PLCL1: variants seen among roughly 807,000 people sequenced by gnomAD.
PLCL1 encodes phospholipase C like 1 (inactive).
In PLCL1, 41 loss-of-function variants were observed where a neutral mutation model predicts 84.4. The observed-to-expected ratio is 0.49, with a 90% confidence interval of 0.38 to 0.63. The LOEUF (loss-of-function observed/expected upper bound fraction) is 0.63, where lower values mean the gene tolerates loss of function less well. Among genes scored for constraint, PLCL1 ranks in the 30% least tolerant of loss-of-function variants. PLCL1 has a pLI of 0.00. For missense variants in PLCL1, 1,206 were observed against 1,367.8 expected (o/e 0.88, Z 1.87); for synonymous variants, 490 against 488.3 (o/e 1.00, Z -0.05).
At chr2:197,844,429 T>A (rs1472942264) in intron 1 of PLCL1, among the ~76,000 whole-genome samples, 1 of 152,168 alleles carries the variant, frequency 6.6e-6, no homozygotes, top group African/African-American at 2.4e-5. Context: ...TTTACCTGTA[T>A]TTTTGTGTGA....
chr2:198,057,913 G>A (rs1007970852), intron 1 of PLCL1, among the ~76,000 whole-genome samples: 1 of 152,146 alleles, frequency 6.6e-6, no homozygotes, highest in Non-Finnish European at 1.5e-5. Flanking sequence ...TTCCAAAATC[G>A]TGTTCTGAAA....
intron 1 of PLCL1, among the ~76,000 whole-genome samples, chr2:197,909,889 G>C (rs1489494380): frequency 1.3e-5 from 2 of 152,090 alleles, no homozygotes; most frequent in Non-Finnish European, 2.9e-5. Flanking sequence ...AGGGAAATGG[G>C]AAGTGAGCTC....
At chr2:198,103,116 T>G (rs968885106) in intron 4 of PLCL1, among the ~76,000 whole-genome samples, 2 of 152,050 alleles carry the variant, frequency 1.3e-5, no homozygotes, top group African/African-American at 4.8e-5. Flanking sequence ...GGACCTACTA[T>G]TAAGCGACAG....
At chr2:197,934,853 T>A (rs1689018129) in intron 1 of PLCL1, among the ~76,000 whole-genome samples, 1 of 152,192 alleles carries the variant, frequency 6.6e-6, no homozygotes, top group Non-Finnish European at 1.5e-5. Context: ...ACAGACAACC[T>A]ATAGAATAGG....
chr2:198,028,256 A>G (rs1220616433), intron 1 of PLCL1, among the ~76,000 whole-genome samples: 13 of 152,234 alleles, frequency 8.5e-5, no homozygotes, highest in Admixed American at 8.5e-4. Context: ...AAAAATGCAC[A>G]TATTACATCA....
At chr2:197,884,129 A>G (rs1354935587) in intron 1 of PLCL1, among the ~76,000 whole-genome samples, 1 of 152,200 alleles carries the variant, frequency 6.6e-6, no homozygotes, top group African/African-American at 2.4e-5. Flanking sequence ...ATAACTGTAA[A>G]CACACAGTAA....
chr2:198,055,375 G>A (rs1167291155), intron 1 of PLCL1, among the ~76,000 whole-genome samples: 1 of 150,022 alleles, frequency 6.7e-6, no homozygotes, highest in African/African-American at 2.4e-5. Flanking sequence ...AAGAGAGAGA[G>A]AGAGAGAGAG....
intron 1 of PLCL1, among the ~76,000 whole-genome samples, chr2:197,947,505 T>C (rs1689305242): frequency 6.6e-6 from 1 of 152,016 alleles, no homozygotes; most frequent in Non-Finnish European, 1.5e-5. Context: ...AAAGAGGTGA[T>C]ATTTGGTTAG....
chr2:197,935,759 G>A (rs1298535705), intron 1 of PLCL1, among the ~76,000 whole-genome samples: 1 of 152,044 alleles, frequency 6.6e-6, no homozygotes, highest in Non-Finnish European at 1.5e-5. Context: ...CCCCTTGAAC[G>A]TAAAAGTTAA....
chr2:197,981,802 G>A lies in PLCL1; in HGVS notation c.241-101956G>A, dbSNP rs575728724. Among the ~76,000 whole-genome samples the A allele has an allele frequency of 9.2e-5, 14 of 152,282 alleles. No homozygotes were observed. In the South Asian group the frequency reaches 2.9e-3, roughly 32 times the overall value. On this transcript the variant is annotated intron_variant, in intron 1 of 5. Transcript: ENST00000428675. ...TGATAAAAGTTAGGGCCATACTGCA[G>A]GAAAGAAGCTTAGAAGGATCTTCTC...
chr2:198,031,182 G>A (rs901975776), intron 1 of PLCL1, among the ~76,000 whole-genome samples: 1 of 142,268 alleles, frequency 7.0e-6, no homozygotes, highest in African/African-American at 2.6e-5. Flanking sequence ...ACCAGTCTGG[G>A]CAACATAGTG....
Position 198,085,927 on chromosome 2 carries a change from A to C in PLCL1, c.2410A>C (p.Ile804Leu). 6.2e-7 allele frequency: 1 copy of C among 1,614,092 alleles called. No individual in the cohort carries two copies. The highest frequency in any genetic ancestry group is 8.5e-7 in the Non-Finnish European group (1 of 1,179,972). The change falls in exon 2 of 6, where the codon ATT becomes CTT. Residue 804 changes from isoleucine (I) to leucine (L), a missense_variant. By Grantham distance (5) the Ile-to-Leu change is conservative. Transcript: ENST00000428675. This position sits in a 1 kb window ranked among gnomAD's most constrained non-coding sequence, Gnocchi z 5.3. ...TTTTGTTGTTCTGGATGATGACTAC[A>C]TTGGGGATGAGTTTATAGGGCAATA... Reference protein sequence around the residue: ...IRFVVLDDDYIGDEFIGQYTI... With the variant: ...IRFVVLDDDYLGDEFIGQYTI...
chr2:197,953,402 C>A (rs780069825), intron 1 of PLCL1, among the ~76,000 whole-genome samples: 4 of 152,012 alleles, frequency 2.6e-5, no homozygotes, highest in Non-Finnish European at 4.4e-5. Flanking sequence ...CCTCTGGAAG[C>A]CCCCCATGGA....
Position 198,132,942 on chromosome 2 carries a change from T to C in PLCL1, c.3106-13838T>C, listed in dbSNP as rs1444532436. 4.6e-5 allele frequency among the ~76,000 whole-genome samples: 7 copies of C among 151,866 alleles called. No individual in the cohort carries two copies. The East Asian group carries it at 1.4e-3, about 29-fold the overall frequency. On this transcript the variant is annotated intron_variant, in intron 5 of 5. Transcript: ENST00000428675. ...GAATGGTAATGCCTAGGTTTTCTTC[T>C]AGGGTTTTTATGGTTTTAGGTCTAA...
intron 1 of PLCL1, among the ~76,000 whole-genome samples, chr2:197,984,157 A>C (rs1245610752): frequency 6.6e-6 from 1 of 152,176 alleles, no homozygotes; most frequent in East Asian, 1.9e-4. Context: ...GTACTTTCCA[A>C]TTTCTTGAAA....
Position 197,903,468 on chromosome 2 carries a change from A to ATTTTTTTTTTTTTTTTTTTTT in PLCL1, c.240+98142_240+98162dup, listed in dbSNP as rs3056105. 2.1e-4 allele frequency among the ~76,000 whole-genome samples: 10 copies of ATTTTTTTTTTTTTTTTTTTTT among 47,794 alleles called. 1 individual carries two copies. The highest frequency in any genetic ancestry group is 2.8e-4 in the Non-Finnish European group (8 of 28,736). The allele number at this position is 47,794 out of a possible 152,430, so 31.4% of individuals were successfully genotyped here. ...GTATCTTCCTTTTTACTCCATTTAAATTTTTTTTTTTTTTTTTTTTTTTTT... is the reference window on the plus strand; with the variant it reads ...GTATCTTCCTTTTTACTCCATTTAAATTTTTTTTTTTTTTTTTTTTTTTTTTTTTTTTTTTTTTTTTTTTTT... On this transcript the variant is annotated intron_variant, in intron 1 of 5. Coordinates refer to ENST00000428675, the MANE Select transcript of PLCL1 (RefSeq NM_006226.4).
intron 1 of PLCL1, among the ~76,000 whole-genome samples, chr2:197,993,236 G>A (rs1380873190): frequency 6.6e-6 from 1 of 152,144 alleles, no homozygotes; most frequent in Non-Finnish European, 1.5e-5. Flanking sequence ...TTGCGGTTTT[G>A]ATTTGCATTT....
At chr2:198,094,616 T>G (rs1400452045) in intron 3 of PLCL1, among the ~76,000 whole-genome samples, 2 of 152,188 alleles carry the variant, frequency 1.3e-5, no homozygotes. Context: ...TTATCTTTTT[T>G]AAAATGCAGC....
intron 1 of PLCL1, among the ~76,000 whole-genome samples, chr2:197,986,925 A>G (rs965391114): frequency 7.2e-5 from 11 of 152,180 alleles, no homozygotes; most frequent in Non-Finnish European, 1.0e-4. Context: ...CGTATTTCAT[A>G]CTGATAACAA....
Sources: gnomAD v4.1 joint callset for allele counts (sites outside exome capture counted in the v4.1 genomes callset) on GRCh38, gnomAD v4.1.1 for gene constraint, Gnocchi (gnomAD v3.1) non-coding constraint, MANE v1.5 for transcripts, NCBI Gene and HGNC (gene_info 2026-07-23, HGNC 2026-07-21) for gene names.